CNTNAP5: variants seen among roughly 807,000 people sequenced by gnomAD.
CNTNAP5 encodes contactin associated protein family member 5, also known as contactin-associated protein-like 5.
In CNTNAP5, 72 loss-of-function variants were observed where a neutral mutation model predicts 150.2. The observed-to-expected ratio is 0.48, with a 90% confidence interval of 0.40 to 0.58. The LOEUF (loss-of-function observed/expected upper bound fraction) is 0.58. CNTNAP5 is among the 20% of genes least tolerant of loss of function. CNTNAP5 has a pLI of 0.00. For missense variants in CNTNAP5, 1,636 were observed against 1,626.2 expected (o/e 1.01, Z -0.10); for synonymous variants, 672 against 619.8 (o/e 1.08, Z -1.25).
chr2:124,730,398 T>A (rs1573578643), intron 13 of CNTNAP5, among the ~76,000 whole-genome samples: 1 of 152,070 alleles, frequency 6.6e-6, no homozygotes, highest in East Asian at 1.9e-4. Flanking sequence ...CATTCAATTA[T>A]TATTTAAAGA....
chr2:124,703,501 A>C (rs1679569575), intron 13 of CNTNAP5, among the ~76,000 whole-genome samples: 2 of 152,166 alleles, frequency 1.3e-5, no homozygotes, highest in African/African-American at 4.8e-5. Context: ...AAGTAGCATA[A>C]AAATCTAGGC....
At chr2:124,266,826 C>A (rs1687616947) in intron 3 of CNTNAP5, among the ~76,000 whole-genome samples, 1 of 152,154 alleles carries the variant, frequency 6.6e-6, no homozygotes, top group Non-Finnish European at 1.5e-5. Context: ...GACACTTTGT[C>A]TTTTGTGTGC....
intron 1 of CNTNAP5, among the ~76,000 whole-genome samples, chr2:124,172,826 A>T (rs1684967534): frequency 6.6e-6 from 1 of 151,338 alleles, no homozygotes; most frequent in African/African-American, 2.4e-5. Context: ...TGTGTGCATA[A>T]ATTGTTTGCA....
intron 21 of CNTNAP5, among the ~76,000 whole-genome samples, chr2:124,897,960 TG>T: frequency 6.6e-6 from 1 of 150,782 alleles, no homozygotes; most frequent in Non-Finnish European, 1.5e-5. Flanking sequence ...TGTGTGTGTG[TG>T]TGTGTGTGTG....
intron 7 of CNTNAP5, among the ~76,000 whole-genome samples, chr2:124,477,140 C>G (rs950883196): frequency 6.6e-6 from 1 of 152,048 alleles, no homozygotes; most frequent in African/African-American, 2.4e-5. Flanking sequence ...CTTCATATTC[C>G]TGGAATTGGA....
intron 6 of CNTNAP5, among the ~76,000 whole-genome samples, chr2:124,474,300 A>G (rs1404458287): frequency 2.0e-5 from 3 of 152,154 alleles, no homozygotes; most frequent in African/African-American, 2.4e-5. Context: ...AATCTTATGC[A>G]TAAGGCTTTT....
intron 3 of CNTNAP5, among the ~76,000 whole-genome samples, chr2:124,295,462 C>T (rs1161554463): frequency 6.6e-6 from 1 of 152,108 alleles, no homozygotes; most frequent in Non-Finnish European, 1.5e-5. Context: ...TTCTGATTGT[C>T]CTTATGGCAG....
intron 1 of CNTNAP5, among the ~76,000 whole-genome samples, chr2:124,074,643 A>G (rs920538090): frequency 2.6e-5 from 4 of 152,072 alleles, no homozygotes; most frequent in Non-Finnish European, 5.9e-5. Flanking sequence ...TGTCATGGGT[A>G]TTGACTCCTA....
intron 1 of CNTNAP5, among the ~76,000 whole-genome samples, chr2:124,089,152 C>T (rs577337125): frequency 6.6e-6 from 1 of 152,212 alleles, no homozygotes; most frequent in South Asian, 2.1e-4. Context: ...TTGTTCTCTA[C>T]AATTTTCAGT....
chr2:124,728,380 G>T (rs1680204327), intron 13 of CNTNAP5, among the ~76,000 whole-genome samples: 1 of 151,924 alleles, frequency 6.6e-6, no homozygotes, highest in Non-Finnish European at 1.5e-5. Flanking sequence ...TTTAAATATT[G>T]CTTAGAATTC....
In CNTNAP5 at chr2:124,286,381, A is replaced by T. The variant is rs149143841; in HGVS notation, c.381+43988A>T. Among the ~76,000 whole-genome samples, 142 of 152,322 alleles carry T rather than the reference A, an allele frequency of 9.3e-4. No individual in the cohort carries two copies. The East Asian group carries it at 0.027, about 29-fold the overall frequency. ...TTACATTCCAGAGCAGCAATGCTCA[A>T]ATTTGGTGGCACCTTAGAATTACCT... is the stretch of plus-strand genomic sequence containing the variant. On this transcript the variant is annotated intron_variant, in intron 3 of 23. Coordinates refer to ENST00000682447, the MANE Select transcript of CNTNAP5 (RefSeq NM_001367498.1).
rs142708364 is a variant in CNTNAP5 at position 124,443,978 on chromosome 2, A to G, written c.734-2775A>G. Among the ~76,000 whole-genome samples, 11 of 152,304 alleles carry G rather than the reference A, an allele frequency of 7.2e-5. No individual in the cohort carries two copies. In the East Asian group the frequency reaches 2.1e-3, roughly 29 times the overall value. ...AGCTCAATTTCAAAGTGAAAACTCC[A>G]ATATTAAATCTACCTGCCTTGTTAC... On this transcript the variant is annotated intron_variant, in intron 5 of 23. Coordinates refer to ENST00000682447, the MANE Select transcript of CNTNAP5 (RefSeq NM_001367498.1).
chr2:124,167,756 C>T (rs1027913984), intron 1 of CNTNAP5, among the ~76,000 whole-genome samples: 2 of 152,134 alleles, frequency 1.3e-5, no homozygotes, highest in Non-Finnish European at 2.9e-5. Context: ...TTCAAGAGCC[C>T]AGGAAAGGTC....
chr2:124,798,466 T>C (rs780576569), intron 19 of CNTNAP5, 146 bp downstream of exon 19: 7 of 628,862 alleles, frequency 1.1e-5, no homozygotes, highest in African/African-American at 1.8e-5. Context: ...TCCTTGATTA[T>C]TCTTTACCTT....
In CNTNAP5 at chr2:124,504,650, G is replaced by A; in HGVS notation, c.1327+94G>A. 3 of 1,239,494 alleles carry A rather than the reference G, an allele frequency of 2.4e-6. No individual in the cohort carries two copies. The South Asian group carries it at 4.2e-5, about 17-fold the overall frequency. 76.8% of individuals were successfully genotyped at this position (1,239,494 alleles called of 1,614,324 possible). Reference sequence around the variant, plus strand: ...AAAACATACAGAATCCAAATCTCAGGGATATGGGTTAGCCCAGTATTCACA... The same window carrying A: ...AAAACATACAGAATCCAAATCTCAGAGATATGGGTTAGCCCAGTATTCACA... On this transcript the variant is annotated intron_variant, in intron 8 of 23. Transcript: ENST00000682447.
At chr2:124,238,305 T>C (rs1199597486) in intron 2 of CNTNAP5, among the ~76,000 whole-genome samples, 1 of 152,094 alleles carries the variant, frequency 6.6e-6, no homozygotes, top group Non-Finnish European at 1.5e-5. Flanking sequence ...GTTTGCATGA[T>C]GGAGATCATT....
chr2:124,084,258 T>G (rs113615678), intron 1 of CNTNAP5, among the ~76,000 whole-genome samples: 2,736 of 152,016 alleles, frequency 0.018, 89 homozygotes, highest in African/African-American at 0.061. Context: ...ATTCCAGAAG[T>G]CATTTTGTAG....
At chr2:124,055,070 G>C (rs1040075735) in intron 1 of CNTNAP5, among the ~76,000 whole-genome samples, 6 of 152,154 alleles carry the variant, frequency 3.9e-5, no homozygotes, top group African/African-American at 1.2e-4. Flanking sequence ...CCATCTTGCA[G>C]AGTGTGTTGA....
intron 3 of CNTNAP5, among the ~76,000 whole-genome samples, chr2:124,383,557 G>T (rs1181409355): frequency 6.6e-6 from 1 of 152,130 alleles, no homozygotes; most frequent in African/African-American, 2.4e-5. Flanking sequence ...TGGTACTGTA[G>T]CTTGGAAAGA....
Sources: gnomAD v4.1 joint callset for allele counts (sites outside exome capture counted in the v4.1 genomes callset) on GRCh38, gnomAD v4.1.1 for gene constraint, MANE v1.5 for transcripts, NCBI Gene and HGNC (gene_info 2026-07-23, HGNC 2026-07-21) for gene names.